Variants in RAB8A observed in about 807,000 individuals in gnomAD.
The protein encoded by RAB8A is ras-related protein Rab-8A.
A neutral mutation model predicts 29.2 loss-of-function variants in RAB8A; 5 were observed. The ratio of observed to expected loss-of-function variants is 0.17; its 90% CI spans 0.09 to 0.36. The LOEUF (loss-of-function observed/expected upper bound fraction) is 0.36. RAB8A is among the 10% of genes least tolerant of loss of function. The pLI, the probability that RAB8A is intolerant of heterozygous loss-of-function variation, is 1.00. For synonymous variants in RAB8A, 108 were observed against 99.9 expected, an observed-to-expected ratio of 1.08 and a Z score of -0.49; for missense variants, 171 against 272.2, an observed-to-expected ratio of 0.63 and a Z score of 2.62.
intron 4 of RAB8A, chr19:16,126,272 T>C (rs1024191382): frequency 1.9e-5 from 3 of 157,418 alleles, no homozygotes; most frequent in African/African-American, 7.2e-5. Context: ...GTCATTGCAC[T>C]GGGCTCACCT....
chr19:16,133,552 C>G lies in RAB8A; in HGVS notation c.*1248C>G, dbSNP rs1010861455. On this transcript the variant is annotated 3_prime_UTR_variant, in exon 8 of 8. Coordinates refer to ENST00000300935, the MANE Select transcript of RAB8A (RefSeq NM_005370.5). ...AACATATCAGCAATAGTCTGCTCTC[C>G]CCGGGAATCTCTAACATGCTCTGTT... 6.6e-6 allele frequency: 1 copy of G among 152,442 alleles called. No individual in the cohort carries two copies. Among genetic ancestry groups the G allele is most frequent in the African/African-American group, 2.4e-5 (1 of 41,368 alleles). The allele number at this position is 152,442 out of a possible 1,614,324, so 9.4% of individuals were successfully genotyped here. A position where few individuals can be genotyped will look rare whatever the true frequency, so the allele number is the denominator to read the frequency against.
At position 16,132,301 on chromosome 19, in the gene RAB8A, G is replaced by A. The variant is rs751523460; in HGVS notation, c.621G>A (p.Leu207=). ...GCAGCTTTTTCCGATGTGTTCTTCT[G>A]TGAGGAACACCGCCTTACTCTGAGC... ...KRSSFFRCVL[L] is the part of the protein sequence containing the mutation. The change falls in exon 8 of 8, where the codon CTG becomes CTA. Residue 207 remains leucine (L), a synonymous_variant. Transcript: ENST00000300935. This position sits in a 1 kb window ranked among gnomAD's most constrained non-coding sequence, Gnocchi z 5.6. The A allele has an allele frequency of 5.8e-5, 94 of 1,613,542 alleles. No homozygotes were observed. The South Asian group carries it at 8.8e-4, about 15-fold the overall frequency.
intron 2 of RAB8A, 72 bp from the exon 3 acceptor site, chr19:16,121,678 A>G: frequency 5.0e-6 from 7 of 1,414,130 alleles, no homozygotes; most frequent in Non-Finnish European, 7.0e-6. Context: ...TCCCGGGTAG[A>G]TGCTCCTTGT....
intron 7 of RAB8A, among the ~76,000 whole-genome samples, chr19:16,131,188 C>T (rs938206928): frequency 1.3e-5 from 2 of 152,194 alleles, no homozygotes; most frequent in Non-Finnish European, 2.9e-5. Context: ...CTCCTGGGCT[C>T]AAGCAGTTCT....
intron 1 of RAB8A, among the ~76,000 whole-genome samples, chr19:16,115,881 C>G: frequency 6.6e-6 from 1 of 152,180 alleles, no homozygotes; most frequent in Non-Finnish European, 1.5e-5. Flanking sequence ...AGCATCCCCA[C>G]CCTGGGTTCA....
intron 3 of RAB8A, chr19:16,123,921 G>A (rs1436248317): frequency 6.6e-6 from 1 of 152,100 alleles, no homozygotes; most frequent in Admixed American, 6.6e-5. Context: ...GGCTGGCTCA[G>A]TGTTTTCCAG....
chr19:16,120,972 A>G (rs994098740), intron 2 of RAB8A, among the ~76,000 whole-genome samples: 6 of 146,914 alleles, frequency 4.1e-5, no homozygotes, highest in African/African-American at 1.5e-4. Flanking sequence ...GCTGGAGTAC[A>G]GTGGTGCAAT....
rs2090879923 is a variant in RAB8A, at chr19:16,122,570, CTCTTTCCTCCGCATACCCCA to C, written c.246+763_246+782del. Among the ~76,000 whole-genome samples, 1 of 152,226 alleles carries C rather than the reference CTCTTTCCTCCGCATACCCCA, an allele frequency of 6.6e-6. No homozygotes were observed. Among genetic ancestry groups the C allele is most frequent in the Admixed American group, 6.5e-5 (1 of 15,284 alleles). On this transcript the variant is annotated intron_variant, in intron 3 of 7. Coordinates refer to ENST00000300935, the MANE Select transcript of RAB8A (RefSeq NM_005370.5). The surrounding 1 kb of genome is among the most constrained non-coding windows in gnomAD (Gnocchi z 4.7). The stretch of plus-strand genomic sequence containing the variant: ...CATTCCCAGGTCCCTCTGCTCCCCA[CTCTTTCCTCCGCATACCCCA>C]TCATTTAATTGCTCAGGCAGCTGCC...
At chr19:16,120,736 A>G (rs1438585412) in intron 2 of RAB8A, among the ~76,000 whole-genome samples, 2 of 151,288 alleles carry the variant, frequency 1.3e-5, no homozygotes, top group African/African-American at 4.9e-5. Flanking sequence ...TCGGCCTCCT[A>G]AGTAGCTGGG....
intron 7 of RAB8A, among the ~76,000 whole-genome samples, chr19:16,131,761 GTTGA>G (rs2090925325): frequency 2.0e-5 from 3 of 151,938 alleles, no homozygotes; most frequent in Admixed American, 2.0e-4. Flanking sequence ...TGGATGGTTG[GTTGA>G]TTGGTTTGTT....
chr19:16,128,987 C>T (rs1306936509), intron 6 of RAB8A, among the ~76,000 whole-genome samples: 1 of 152,170 alleles, frequency 6.6e-6, no homozygotes, highest in Non-Finnish European at 1.5e-5. Flanking sequence ...GACAGCAGCT[C>T]AACCCTTGGC....
rs1045591736 is a variant in RAB8A, at chr19:16,127,455, G to A, written c.343G>A (p.Glu115Lys). The part of the protein sequence containing the change: ...NIEEHASADV[E>K]KMILGNKCDV... ...CTCTCAGCACGCCTCTGCAGACGTC[G>A]AAAAGATGATACTCGGGAACAAGTG... is the stretch of plus-strand genomic sequence containing the variant. The change falls in exon 5 of 8, where the codon GAA becomes AAA. Residue 115 changes from glutamate to lysine, a missense_variant. Physicochemically the swap from Glu to Lys is moderately conservative, Grantham distance 56. Transcript: ENST00000300935. The surrounding 1 kb of genome is among the most constrained non-coding windows in gnomAD (Gnocchi z 4.8). The A allele has an allele frequency of 9.2e-6, 14 of 1,523,608 alleles. No individual in the cohort carries two copies. The highest frequency in any genetic ancestry group is 5.3e-5 in the South Asian group (4 of 75,104). 94.4% of individuals were successfully genotyped at this position (1,523,608 alleles called of 1,614,324 possible).
intron 4 of RAB8A, chr19:16,126,590 G>C (rs151002639): frequency 6.6e-6 from 1 of 152,450 alleles, no homozygotes; most frequent in East Asian, 1.9e-4. Flanking sequence ...CTGCCTTTGG[G>C]TATGAGGGCA....
chr19:16,125,126 C>T lies in RAB8A; in HGVS notation c.247-344C>T, dbSNP rs534737180. 7.5e-6 allele frequency: 3 copies of T among 401,198 alleles called. No individual in the cohort carries two copies. The highest frequency in any genetic ancestry group is 9.6e-5 in the East Asian group (2 of 20,844). The allele number at this position is 401,198 out of a possible 1,614,324, so 24.9% of individuals were successfully genotyped here. A position where few individuals can be genotyped will look rare whatever the true frequency, so the allele number is the denominator to read the frequency against. Reference sequence around the variant, plus strand: ...GTGCTGCTGGCAGTGGGCCTGTGGACCGGCTCCCACCGTCAGGCTGCACCA... The same window carrying T: ...GTGCTGCTGGCAGTGGGCCTGTGGATCGGCTCCCACCGTCAGGCTGCACCA... On this transcript the variant is annotated intron_variant, in intron 3 of 7. Coordinates refer to ENST00000300935, the MANE Select transcript of RAB8A (RefSeq NM_005370.5). The surrounding 1 kb of genome is among the most constrained non-coding windows in gnomAD (Gnocchi z 5.0).
At chr19:16,126,079 C>G (rs1032762594) in intron 4 of RAB8A, 4 of 196,560 alleles carry the variant, frequency 2.0e-5, no homozygotes, top group South Asian at 9.3e-5. Context: ...GACCTCACCC[C>G]CAAAGCCTTC....
chr19:16,123,905 T>C (rs773788111), intron 3 of RAB8A: 18 of 152,094 alleles, frequency 1.2e-4, no homozygotes, highest in Non-Finnish European at 2.4e-4. Flanking sequence ...AAACCTGGAA[T>C]AGGATGGCTG....
In RAB8A at chr19:16,127,416, G is replaced by T. The variant is rs371906594; in HGVS notation, c.325-21G>T. On this transcript the variant is annotated intron_variant, in intron 4 of 7. Coordinates refer to ENST00000300935, the MANE Select transcript of RAB8A (RefSeq NM_005370.5). The surrounding 1 kb of genome is among the most constrained non-coding windows in gnomAD (Gnocchi z 4.8). ...CCTGTGTCATCCGGTCTGATCCCCC[G>T]TCTGTCCCCCTCCCTCTCAGCACGC... 1 of 1,439,608 alleles carries T rather than the reference G, an allele frequency of 6.9e-7. No individual in the cohort carries two copies. Among genetic ancestry groups the T allele is most frequent in the African/African-American group, 1.4e-5 (1 of 69,348 alleles). 89.2% of individuals were successfully genotyped at this position (1,439,608 alleles called of 1,614,324 possible). A position where few individuals can be genotyped will look rare whatever the true frequency, so the allele number is the denominator to read the frequency against.
rs2090896320 is a variant in RAB8A, at chr19:16,125,555, C to G, written c.324+8C>G. ...ATTCGCAACATTGAGGAGGTGAGGC[C>G]CTCCGGCTCCTCCCACTGTCCCTGC... On this transcript the variant is annotated splice_region_variant and intron_variant, in intron 4 of 7. Transcript: ENST00000300935. The surrounding 1 kb of genome is among the most constrained non-coding windows in gnomAD (Gnocchi z 5.0). 3 of 1,607,522 alleles carry G rather than the reference C, an allele frequency of 1.9e-6. No homozygotes were observed. The highest frequency in any genetic ancestry group is 2.6e-6 in the Non-Finnish European group (3 of 1,174,604).
chr19:16,115,132 C>T (rs931821136), intron 1 of RAB8A, among the ~76,000 whole-genome samples: 1 of 152,038 alleles, frequency 6.6e-6, no homozygotes, highest in African/African-American at 2.4e-5. Flanking sequence ...AAAGGTGATT[C>T]CATAAATTAG....
Sources: gnomAD v4.1 joint callset for allele counts (sites outside exome capture counted in the v4.1 genomes callset) on GRCh38, gnomAD v4.1.1 for gene constraint, Gnocchi (gnomAD v3.1) non-coding constraint, MANE v1.5 for transcripts, NCBI Gene and HGNC (gene_info 2026-07-23, HGNC 2026-07-21) for gene names.